Variants in SESTD1 observed in about 807,000 individuals in gnomAD.
The protein encoded by SESTD1 is SEC14 domain and spectrin repeat-containing protein 1.
SESTD1 carries 43 observed loss-of-function variants against 101.7 expected under a neutral mutation model. That is an observed-to-expected ratio of 0.42 (90% CI 0.33 to 0.55). The LOEUF is 0.55. Ranked by LOEUF, SESTD1 falls within the 20% of genes least tolerant of loss-of-function variation. The probability of loss-of-function intolerance (pLI) is 0.07; values close to 1 mark genes in which losing one functional copy is unlikely to be tolerated. For missense variants in SESTD1, 647 were observed against 815.1 expected, an observed-to-expected ratio of 0.79 and a Z score of 2.51; for synonymous variants, 283 against 286.8, an observed-to-expected ratio of 0.99 and a Z score of 0.13.
At chr2:179,149,694 A>G (rs553066143) in intron 6 of SESTD1, among the ~76,000 whole-genome samples, 4 of 152,336 alleles carry the variant, frequency 2.6e-5, no homozygotes, top group Non-Finnish European at 5.9e-5. Flanking sequence ...TAACAGTTCT[A>G]ACTACATACA....
intron 4 of SESTD1, among the ~76,000 whole-genome samples, chr2:179,173,390 A>G (rs1453572813): frequency 6.6e-6 from 1 of 152,206 alleles, no homozygotes; most frequent in African/African-American, 2.4e-5. Context: ...AATAAAGATA[A>G]TAAAACCTTC....
rs2046577283 is a variant in SESTD1, at chr2:179,205,393, G to A, written c.-25-13527C>T. On this transcript the variant is annotated intron_variant, in intron 1 of 17. Coordinates refer to ENST00000428443, the MANE Select transcript of SESTD1 (RefSeq NM_178123.5). ...GATAAAATCTATTAATATTATTGAA[G>A]ATTTCCAAGTCAAATTATTGATCTT... Among the ~76,000 whole-genome samples the A allele has an allele frequency of 1.5e-5, 2 of 134,440 alleles. 1 individual carries two copies. Among genetic ancestry groups the A allele is most frequent in the South Asian group, 5.7e-4 (2 of 3,512 alleles). 88.2% of individuals were successfully genotyped at this position (134,440 alleles called of 152,430 possible). A position where few individuals can be genotyped will look rare whatever the true frequency, so the allele number is the denominator to read the frequency against.
At chr2:179,135,690 T>G (rs995924280) in intron 9 of SESTD1, among the ~76,000 whole-genome samples, 2 of 151,940 alleles carry the variant, frequency 1.3e-5, no homozygotes, top group Non-Finnish European at 2.9e-5. Flanking sequence ...GAGGCGGAGG[T>G]TGCAGTAAGC....
chr2:179,223,671 C>A (rs1443778534), intron 1 of SESTD1, among the ~76,000 whole-genome samples: 1 of 151,984 alleles, frequency 6.6e-6, no homozygotes, highest in Admixed American at 6.6e-5. Flanking sequence ...TTCACTTTGG[C>A]AAAGACAAAT....
Position 179,115,320 on chromosome 2 carries a change from T to G in SESTD1, c.1648-64A>C, listed in dbSNP as rs546828648. ...ATTCTTAAGAGAAGGATGGGGAAAG[T>G]GTGCAGGAAGATTGTCGTTACAGTT... On this transcript the variant is annotated intron_variant, in intron 15 of 17. Coordinates refer to ENST00000428443, the MANE Select transcript of SESTD1 (RefSeq NM_178123.5). The G allele has an allele frequency of 9.4e-5, 120 of 1,276,708 alleles. No individual in the cohort carries two copies. The African/African-American group carries it at 1.6e-3, about 18-fold the overall frequency. The allele number at this position is 1,276,708 out of a possible 1,614,324, so 79.1% of individuals were successfully genotyped here.
chr2:179,242,355 G>C (rs1251128104), intron 1 of SESTD1, among the ~76,000 whole-genome samples: 1 of 152,102 alleles, frequency 6.6e-6, no homozygotes, highest in Non-Finnish European at 1.5e-5. Context: ...TTCATGAATT[G>C]GAAGAATCAA....
intron 10 of SESTD1, among the ~76,000 whole-genome samples, chr2:179,127,691 A>G (rs775156459): frequency 3.3e-5 from 5 of 152,196 alleles, no homozygotes; most frequent in Non-Finnish European, 4.4e-5. Flanking sequence ...CAAAGTCTCA[A>G]GAGTCTGCTG....
At chr2:179,229,749 T>TTATATA (rs71023472) in intron 1 of SESTD1, among the ~76,000 whole-genome samples, 2,009 of 106,288 alleles carry the variant, frequency 0.019, 55 homozygotes, top group African/African-American at 0.042. Flanking sequence ...TTGTAAGAAC[T>TTATATA]TATATATATA....
rs1383743721 is a variant in SESTD1 at position 179,207,272 on chromosome 2, G to A, written c.-25-15406C>T. Among the ~76,000 whole-genome samples the A allele has an allele frequency of 5.2e-5, 7 of 134,780 alleles. 2 individuals are homozygous for A. Among genetic ancestry groups the A allele is most frequent in the African/African-American group, 1.8e-4 (6 of 33,984 alleles). The allele number at this position is 134,780 out of a possible 152,430, so 88.4% of individuals were successfully genotyped here. On this transcript the variant is annotated intron_variant, in intron 1 of 17. Coordinates refer to ENST00000428443, the MANE Select transcript of SESTD1 (RefSeq NM_178123.5). ...TGAAAGTGCCACCTCCTGGCTGGAC[G>A]CCAACCAAGTCAAGCCATTACAGTA...
chr2:179,185,655 G>T (rs1223910629), intron 2 of SESTD1, among the ~76,000 whole-genome samples: 1 of 75,454 alleles, frequency 1.3e-5, no homozygotes, highest in Admixed American at 1.9e-4. Context: ...ATACAATATA[G>T]CATATACAAT....
intron 1 of SESTD1, among the ~76,000 whole-genome samples, chr2:179,241,853 C>T (rs577493532): frequency 2.0e-4 from 30 of 150,014 alleles, no homozygotes; most frequent in South Asian, 6.3e-4. Context: ...ACCCAGGAGG[C>T]GGAGCCTGCA....
In SESTD1 at chr2:179,191,777, G is replaced by C. The variant is rs2046323808; in HGVS notation, c.55+10C>G. ...TATCAAACACTTCAAATTTTAAGAA[G>C]AAATCATACCTGAAAGGAAGGCTAG... is the stretch of plus-strand genomic sequence containing the variant. On this transcript the variant is annotated intron_variant, in intron 2 of 17. Coordinates refer to ENST00000428443, the MANE Select transcript of SESTD1 (RefSeq NM_178123.5). The C allele has an allele frequency of 6.2e-7, 1 of 1,608,578 alleles. No individual in the cohort carries two copies. The highest frequency in any genetic ancestry group is 1.1e-5 in the South Asian group (1 of 90,346).
intron 13 of SESTD1, among the ~76,000 whole-genome samples, chr2:179,120,360 A>AATT (rs2154393951): frequency 1.3e-5 from 2 of 152,306 alleles, no homozygotes; most frequent in East Asian, 3.9e-4. Context: ...AGGCAATTGG[A>AATT]ATTATGGGTC....
In SESTD1 at chr2:179,176,456, T is replaced by G; in HGVS notation, c.247A>C (p.Met83Leu). The change falls in exon 4 of 18, where the codon ATG becomes CTG. Residue 83 changes from methionine (M) to leucine (L), a missense_variant. This residue lies in a region of SESTD1 where 168 missense variants were observed against 235.1 expected (regional missense o/e 0.71). Transcript: ENST00000428443. ...GACAAAACCAAAATTACCTGTAGCA[T>G]TACGACTACTGTTTTCACCACATTC... ...QWNVVKTVVV[M>L]LQNVVPAEVS... 6.2e-7 allele frequency: 1 copy of G among 1,613,044 alleles called. No individual in the cohort carries two copies. Among genetic ancestry groups the G allele is most frequent in the Non-Finnish European group, 8.5e-7 (1 of 1,179,482 alleles).
At chr2:179,216,878 G>A (rs1179514154) in intron 1 of SESTD1, among the ~76,000 whole-genome samples, 1 of 138,070 alleles carries the variant, frequency 7.2e-6, no homozygotes, top group Non-Finnish European at 1.6e-5. Context: ...AACAAGAAAT[G>A]GGGAAAGGAT....
At chr2:179,146,173 A>T (rs2045392011) in intron 8 of SESTD1, among the ~76,000 whole-genome samples, 1 of 152,082 alleles carries the variant, frequency 6.6e-6, no homozygotes, top group Admixed American at 6.6e-5. Context: ...TGCTCCTTAT[A>T]AGAACCTAAT....
At chr2:179,207,168 C>T (rs1339455906) in intron 1 of SESTD1, among the ~76,000 whole-genome samples, 2 of 134,150 alleles carry the variant, frequency 1.5e-5, no homozygotes, top group Non-Finnish European at 3.2e-5. Context: ...ACAACCAAAC[C>T]GGAGAAACCA....
chr2:179,131,606 G>C (rs2045015005), intron 10 of SESTD1, among the ~76,000 whole-genome samples: 1 of 152,058 alleles, frequency 6.6e-6, no homozygotes, highest in Non-Finnish European at 1.5e-5. Context: ...AGGGGGGTGA[G>C]CTACCCCGTC....
intron 1 of SESTD1, among the ~76,000 whole-genome samples, chr2:179,261,829 T>G (rs897127439): frequency 2.0e-5 from 3 of 152,096 alleles, no homozygotes; most frequent in African/African-American, 7.2e-5. Flanking sequence ...CCTCAGAAAG[T>G]AAACAGAATT....
Sources: allele counts gnomAD v4.1 joint callset (sites outside exome capture counted in the v4.1 genomes callset), GRCh38; gene constraint gnomAD v4.1.1; regional missense constraint gnomAD v4.1.1; transcripts MANE v1.5; gene names NCBI Gene and HGNC (gene_info 2026-07-23, HGNC 2026-07-21).